The following STK36 variants were observed in gnomAD, a reference collection of about 807,000 sequenced individuals.
STK36 encodes serine/threonine-protein kinase 36.
Under a neutral mutation model 142.2 loss-of-function variants are expected in STK36, and 116 were observed. The ratio of observed to expected loss-of-function variants is 0.82; its 90% CI spans 0.70 to 0.95. The LOEUF (loss-of-function observed/expected upper bound fraction) is 0.95, where lower values mean the gene tolerates loss of function less well. Ranked by LOEUF, STK36 falls within the 40% of genes least tolerant of loss-of-function variation. STK36 has a pLI of 0.00. For missense variants in STK36, 1,422 were observed against 1,617.2 expected (o/e 0.88, Z 2.07); for synonymous variants, 619 against 641.7 (o/e 0.96, Z 0.53).
At chr2:218,689,006 A>C (rs1940891028) in intron 12 of STK36, 130 bp downstream of exon 12, 1 of 982,104 alleles carries the variant, frequency 1.0e-6, no homozygotes, top group Non-Finnish European at 1.4e-6. Flanking sequence ...TAGTTAGTAG[A>C]CTATTAATTG....
At chr2:218,688,633 T>C in intron 11 of STK36, 64 bp from the exon 12 acceptor site, 1 of 1,556,458 alleles carries the variant, frequency 6.4e-7, no homozygotes, top group South Asian at 1.2e-5. Flanking sequence ...GCTTGGTATG[T>C]GTAGTTCTCC....
intron 23 of STK36, 42 bp downstream of exon 23, chr2:218,697,255 C>T: frequency 6.3e-7 from 1 of 1,580,854 alleles, no homozygotes; most frequent in Middle Eastern, 1.9e-4. Flanking sequence ...GCATTGATCT[C>T]TCTTCAAGAG....
rs1336745789 is a variant in STK36 at position 218,699,129 on chromosome 2, C to G, written c.3585C>G (p.Pro1195=). The G allele has an allele frequency of 6.2e-7, 1 of 1,614,096 alleles. No homozygotes were observed. The change falls in exon 26 of 27, where the codon CCC becomes CCG. Residue 1195 remains proline (P), a synonymous_variant. Coordinates refer to ENST00000295709, the MANE Select transcript of STK36 (RefSeq NM_015690.5). ...GACCTGCCCTGGCAGCTGCAGTGCC[C>G]AGTATGACCCAGCTGCTTGGAGATC... is the stretch of plus-strand genomic sequence containing the variant. ...PLGPALAAAV[P]SMTQLLGDPQ...
intron 10 of STK36, among the ~76,000 whole-genome samples, chr2:218,682,490 A>G (rs907864372): frequency 1.3e-5 from 2 of 152,328 alleles, no homozygotes; most frequent in Middle Eastern, 3.4e-3. Flanking sequence ...AATTAAACTA[A>G]TCTGTAATCC....
chr2:218,696,931 T>A, intron 22 of STK36, 108 bp from the exon 23 acceptor site: 1 of 1,464,384 alleles, frequency 6.8e-7, no homozygotes, highest in Non-Finnish European at 9.6e-7. Flanking sequence ...GCGGAAGGAA[T>A]TATTTCTGGG....
intron 10 of STK36, among the ~76,000 whole-genome samples, chr2:218,682,878 C>G (rs1168261057): frequency 6.6e-6 from 1 of 152,190 alleles, no homozygotes; most frequent in Non-Finnish European, 1.5e-5. Flanking sequence ...CAGTGAGCCA[C>G]TGTGCCCAGC....
chr2:218,679,366 C>G, intron 7 of STK36, 105 bp downstream of exon 7: 1 of 1,329,990 alleles, frequency 7.5e-7, no homozygotes, highest in Admixed American at 1.9e-5. Context: ...CGTCTTTCCT[C>G]CAGCAGCTTG....
Position 218,698,820 on chromosome 2 carries a change from G to C in STK36, c.3276G>C (p.Leu1092=). Residue 1092 remains leucine, a synonymous_variant, in exon 26 of 27, where the codon CTG becomes CTC. Coordinates refer to ENST00000295709, the MANE Select transcript of STK36 (RefSeq NM_015690.5). ...LSLLAHTARV[L]SPSHLSFIQE... is the part of the protein sequence containing the mutation. The stretch of plus-strand genomic sequence containing the variant: ...TGCTGGCCCATACTGCCAGGGTCCT[G>C]TCTCCCAGCCACTTGTCCTTTATCC... The C allele has an allele frequency of 6.2e-7, 1 of 1,614,192 alleles. No individual in the cohort carries two copies. The highest frequency in any genetic ancestry group is 8.5e-7 in the Non-Finnish European group (1 of 1,180,032).
Position 218,689,926 on chromosome 2 carries a change from T to TC in STK36, c.1629dup (p.Asn544GlnfsTer9), listed in dbSNP as rs767222368. The TC allele has an allele frequency of 1.8e-5, 29 of 1,601,380 alleles. No homozygotes were observed. The South Asian group carries it at 2.9e-4, about 16-fold the overall frequency. On this transcript the variant is annotated frameshift_variant, in exon 13 of 27. Coordinates refer to ENST00000295709, the MANE Select transcript of STK36 (RefSeq NM_015690.5). LOFTEE classifies it high-confidence loss of function. ...ATTCAGGCCTACTTTGCCTGTACCTTCAATCTGGAGAGGAGCCAGACAAGT... is the reference window on the plus strand; with the variant it reads ...ATTCAGGCCTACTTTGCCTGTACCTTCCAATCTGGAGAGGAGCCAGACAAGT...
chr2:218,694,265 A>G lies in STK36; in HGVS notation c.2338A>G (p.Met780Val), dbSNP rs767188991. The change falls in exon 20 of 27, where the codon ATG (methionine) becomes GTG (valine). Residue 780 changes from methionine (M) to valine (V), a missense_variant and splice_region_variant. Met to Val is a conservative substitution (Grantham distance 21). Coordinates refer to ENST00000295709, the MANE Select transcript of STK36 (RefSeq NM_015690.5). The surrounding 1 kb of genome is among the most constrained non-coding windows in gnomAD (Gnocchi z 4.4). ...VFRLQNLPCG[M>V]EKLGSDVATL... Reference sequence around the variant, plus strand: ...CCTTGATGTATCTCTTTATTCCAGAATGGAGAAGCTAGGCAGTGACGTTGC... The same window carrying G: ...CCTTGATGTATCTCTTTATTCCAGAGTGGAGAAGCTAGGCAGTGACGTTGC... 6.2e-7 allele frequency: 1 copy of G among 1,613,630 alleles called. No homozygotes were observed. Among genetic ancestry groups the G allele is most frequent in the Non-Finnish European group, 8.5e-7 (1 of 1,179,544 alleles).
chr2:218,694,219 C>A lies in STK36; in HGVS notation c.2337-45C>A. ...GGGAGAGGGGAGGCCGCTTACCAAC[C>A]TCCTTTAATACTGCTGCATCCCTTG... is the stretch of plus-strand genomic sequence containing the variant. On this transcript the variant is annotated intron_variant, in intron 19 of 26. Coordinates refer to ENST00000295709, the MANE Select transcript of STK36 (RefSeq NM_015690.5). This position sits in a 1 kb window ranked among gnomAD's most constrained non-coding sequence, Gnocchi z 4.4. The A allele has an allele frequency of 6.5e-7, 1 of 1,548,984 alleles. No individual in the cohort carries two copies. The highest frequency in any genetic ancestry group is 8.9e-7 in the Non-Finnish European group (1 of 1,120,940).
intron 10 of STK36, among the ~76,000 whole-genome samples, chr2:218,681,847 C>T (rs965673484): frequency 6.6e-6 from 1 of 152,274 alleles, no homozygotes; most frequent in Non-Finnish European, 1.5e-5. Flanking sequence ...CCTCCTAACA[C>T]TGGTGCAATG....
Position 218,676,238 on chromosome 2 carries a change from AC to A in STK36, c.647del (p.Pro216LeufsTer45). On this transcript the variant is annotated frameshift_variant, in exon 6 of 27. Transcript: ENST00000295709. LOFTEE classifies it high-confidence loss of function. ...IFQLVSLILKDPVRWPSTISP... is the reference protein window; with the variant it reads ...IFQLVSLILKXPVRWPSTISP... ...CAGCTGGTCAGCCTCATTCTCAAGG[AC>A]CCTGTGCGCTGGCCCTCAACCATCA... is the stretch of plus-strand genomic sequence containing the variant. 6.2e-7 allele frequency: 1 copy of A among 1,614,042 alleles called. No individual in the cohort carries two copies. Among genetic ancestry groups the A allele is most frequent in the Non-Finnish European group, 8.5e-7 (1 of 1,180,012 alleles).
intron 12 of STK36, 144 bp from the exon 13 acceptor site, chr2:218,689,715 A>C: frequency 4.6e-6 from 3 of 646,102 alleles, no homozygotes; most frequent in Non-Finnish European, 7.9e-6. Flanking sequence ...TACCCCTAGA[A>C]CTCTCTCTCT....
intron 23 of STK36, 52 bp from the exon 24 acceptor site, chr2:218,697,411 G>A (rs1478682920): frequency 1.2e-6 from 2 of 1,600,280 alleles, no homozygotes; most frequent in South Asian, 1.1e-5. Context: ...GGAAGCAGGG[G>A]TATCTGGGCG....
Position 218,690,487 on chromosome 2 carries a change from G to A in STK36, c.1696G>A (p.Asp566Asn), listed in dbSNP as rs760922467. The A allele has an allele frequency of 3.4e-5, 55 of 1,613,984 alleles. No homozygotes were observed. Among genetic ancestry groups the A allele is most frequent in the South Asian group, 3.4e-4 (31 of 91,082 alleles). ...TCAGGAGGCTGCCAACCTTTTTCTG[G>A]ACCTGTTGGGGAAACTGCTGGCCCA... is the stretch of plus-strand genomic sequence containing the variant. ...VFQEAANLFLDLLGKLLAQPD... is the reference protein window; with the variant it reads ...VFQEAANLFLNLLGKLLAQPD... The change falls in exon 14 of 27, where the codon GAC becomes AAC. Residue 566 changes from aspartate to asparagine, a missense_variant. By Grantham distance (23) the Asp-to-Asn change is conservative (BLOSUM62 1). This residue lies in a region of STK36 where 962 missense variants were observed against 1,167.5 expected (regional missense o/e 0.82). Coordinates refer to ENST00000295709, the MANE Select transcript of STK36 (RefSeq NM_015690.5).
chr2:218,697,679 AG>A (rs1941289336), intron 24 of STK36, 69 bp downstream of exon 24: 1 of 1,602,616 alleles, frequency 6.2e-7, no homozygotes, highest in African/African-American at 1.3e-5. Flanking sequence ...GCAGGAAAGA[AG>A]TTACTGACAG....
chr2:218,679,451 A>G, intron 7 of STK36, 109 bp from the exon 8 acceptor site: 2 of 1,409,094 alleles, frequency 1.4e-6, no homozygotes, highest in Non-Finnish European at 1.9e-6. Context: ...ACTTTTTCAA[A>G]ATGATCTTCT....
At chr2:218,684,913 C>A in intron 10 of STK36, 172 bp from the exon 11 acceptor site, 1 of 722,226 alleles carries the variant, frequency 1.4e-6, no homozygotes, top group Non-Finnish European at 2.2e-6. Flanking sequence ...AGACCCCTCA[C>A]AGACTGCCAG....
Sources: allele counts gnomAD v4.1 joint callset (sites outside exome capture counted in the v4.1 genomes callset), GRCh38; gene constraint gnomAD v4.1.1; regional missense constraint gnomAD v4.1.1; non-coding constraint Gnocchi (gnomAD v3.1); transcripts MANE v1.5; gene names NCBI Gene and HGNC (gene_info 2026-07-23, HGNC 2026-07-21).